The following GPR176 variants were observed in gnomAD, a reference collection of about 807,000 sequenced individuals.
GPR176 encodes G protein-coupled receptor 176, also known as G-protein coupled receptor 176.
A neutral mutation model predicts 35.4 loss-of-function variants in GPR176; 26 were observed. The ratio of observed to expected loss-of-function variants is 0.74; its 90% CI spans 0.54 to 1.02. The LOEUF (loss-of-function observed/expected upper bound fraction) is 1.02. Among genes scored for constraint, GPR176 ranks in the 50% least tolerant of loss-of-function variants. The probability of loss-of-function intolerance (pLI) is 0.00; values close to 1 mark genes in which losing one functional copy is unlikely to be tolerated. For synonymous variants in GPR176, 278 were observed against 271.3 expected (o/e 1.02, Z -0.24); for missense variants, 597 against 665.3 (o/e 0.90, Z 1.13).
chr15:39,827,401 C>T (rs953680417), intron 1 of GPR176, among the ~76,000 whole-genome samples: 8 of 152,056 alleles, frequency 5.3e-5, no homozygotes, highest in African/African-American at 1.7e-4. Context: ...AAAGGAGGGG[C>T]GGCATGAGGT....
intron 1 of GPR176, among the ~76,000 whole-genome samples, chr15:39,894,248 G>C (rs1197127285): frequency 7.2e-6 from 1 of 138,410 alleles, no homozygotes; most frequent in Admixed American, 7.0e-5. Context: ...GGGGCGGCTG[G>C]CCGGGTTGGG....
chr15:39,871,176 A>C (rs563739875), intron 1 of GPR176, among the ~76,000 whole-genome samples: 1 of 152,342 alleles, frequency 6.6e-6, no homozygotes, highest in African/African-American at 2.4e-5. Context: ...GAGGGTCAAT[A>C]AACTATCTGA....
At chr15:39,846,849 A>G (rs1302437786) in intron 1 of GPR176, among the ~76,000 whole-genome samples, 1 of 152,192 alleles carries the variant, frequency 6.6e-6, no homozygotes, top group Non-Finnish European at 1.5e-5. Flanking sequence ...CAGAAAGAAA[A>G]AGAAAGATAA....
In GPR176 at chr15:39,801,906, G is replaced by A; in HGVS notation, c.774C>T (p.Ser258=). Residue 258 remains serine (S), a synonymous_variant, in exon 3 of 3, where the codon TCC becomes TCT. Coordinates refer to ENST00000561100, the MANE Select transcript of GPR176 (RefSeq NM_007223.3). ...PQNTISIPYA[S]QREAELHATL... ...TGGCGTGCAGCTCGGCCTCCCGCTG[G>A]GAGGCATAGGGAATAGAGATGGTGT... is the stretch of plus-strand genomic sequence containing the variant. 1 of 1,614,056 alleles carries A rather than the reference G, an allele frequency of 6.2e-7. No homozygotes were observed. The highest frequency in any genetic ancestry group is 1.7e-5 in the Admixed American group (1 of 60,016).
rs1253761723 is a variant in GPR176 at position 39,893,737 on chromosome 15, C to G, written c.172+26118G>C. ...GGCGGCTGGCCGGGCGGGGGGCTGA[C>G]CCCCCCACCTCCCTCCCGGGCGGGG... On this transcript the variant is annotated intron_variant, in intron 1 of 2. Transcript: ENST00000561100. Among the ~76,000 whole-genome samples, 331 of 146,648 alleles carry G rather than the reference C, an allele frequency of 2.3e-3. 2 individuals carry two copies. The highest frequency in any genetic ancestry group is 7.9e-3 in the African/African-American group (319 of 40,266).
intron 1 of GPR176, among the ~76,000 whole-genome samples, chr15:39,833,627 A>C (rs1273422462): frequency 1.3e-5 from 2 of 152,210 alleles, no homozygotes; most frequent in Admixed American, 1.3e-4. Flanking sequence ...AGTGAATCAT[A>C]CAACAAACAG....
chr15:39,827,464 C>G (rs1401579165), intron 1 of GPR176, among the ~76,000 whole-genome samples: 4 of 152,074 alleles, frequency 2.6e-5, no homozygotes, highest in African/African-American at 9.7e-5. Context: ...TCTGTTGAAC[C>G]CTTAGAGAAG....
chr15:39,803,826 G>A (rs992901287), intron 2 of GPR176, among the ~76,000 whole-genome samples: 1 of 152,180 alleles, frequency 6.6e-6, no homozygotes, highest in Non-Finnish European at 1.5e-5. Context: ...CTGGCAGGGG[G>A]ACCAGCTGAA....
intron 1 of GPR176, among the ~76,000 whole-genome samples, chr15:39,915,398 A>G (rs1264183716): frequency 6.6e-6 from 1 of 152,158 alleles, no homozygotes; most frequent in African/African-American, 2.4e-5. Flanking sequence ...ATCTAAACCT[A>G]ATTATTTCCC....
rs570017291 is a variant in GPR176, at chr15:39,857,267, T to G, written c.173-50009A>C. On this transcript the variant is annotated intron_variant, in intron 1 of 2. Transcript: ENST00000561100. ...TTCCTGTTCTGGCAGCAGGGCAAACTCATTAACCCAACCCTTACTTCCCCC... is the reference window on the plus strand; with the variant it reads ...TTCCTGTTCTGGCAGCAGGGCAAACGCATTAACCCAACCCTTACTTCCCCC... 2.0e-5 allele frequency among the ~76,000 whole-genome samples: 3 copies of G among 152,264 alleles called. No homozygotes were observed. The South Asian group carries it at 6.2e-4, about 32-fold the overall frequency.
intron 1 of GPR176, among the ~76,000 whole-genome samples, chr15:39,861,404 G>C (rs886500093): frequency 6.6e-6 from 1 of 151,990 alleles, no homozygotes; most frequent in African/African-American, 2.4e-5. Flanking sequence ...ACAAAAATTA[G>C]CTGGGCATAG....
At chr15:39,904,946 C>T (rs1279094572) in intron 1 of GPR176, among the ~76,000 whole-genome samples, 2 of 152,108 alleles carry the variant, frequency 1.3e-5, no homozygotes, top group Admixed American at 1.3e-4. Context: ...AGGCAACAGC[C>T]CAGAGTATGA....
intron 1 of GPR176, among the ~76,000 whole-genome samples, chr15:39,836,941 T>A (rs1287607138): frequency 1.3e-5 from 2 of 152,158 alleles, no homozygotes; most frequent in Admixed American, 1.3e-4. Context: ...ATTTTTCTGA[T>A]CCTATATATG....
chr15:39,917,809 G>A (rs2033766089), intron 1 of GPR176, among the ~76,000 whole-genome samples: 1 of 151,976 alleles, frequency 6.6e-6, no homozygotes, highest in Non-Finnish European at 1.5e-5. Flanking sequence ...CACTTTGGGA[G>A]GCCAAGGCAG....
chr15:39,844,732 C>T (rs1464515447), intron 1 of GPR176, among the ~76,000 whole-genome samples: 1 of 152,052 alleles, frequency 6.6e-6, no homozygotes, highest in Non-Finnish European at 1.5e-5. Flanking sequence ...CAGTACAAGG[C>T]TTTGAAGAAT....
chr15:39,895,571 A>C (rs1483666866), intron 1 of GPR176, among the ~76,000 whole-genome samples: 3 of 152,196 alleles, frequency 2.0e-5, no homozygotes, highest in Non-Finnish European at 4.4e-5. Flanking sequence ...TTTACTTTAA[A>C]AGGCAGTTTT....
At chr15:39,863,459 C>T (rs904541598) in intron 1 of GPR176, among the ~76,000 whole-genome samples, 2 of 151,708 alleles carry the variant, frequency 1.3e-5, no homozygotes, top group African/African-American at 4.8e-5. Flanking sequence ...AGTGTTATTA[C>T]AAAAGAATCC....
At chr15:39,861,535 G>A (rs1391603145) in intron 1 of GPR176, among the ~76,000 whole-genome samples, 3 of 150,604 alleles carry the variant, frequency 2.0e-5, no homozygotes, top group Admixed American at 6.6e-5. Flanking sequence ...GTGACAGAGC[G>A]AGACTCCATC....
At chr15:39,888,507 T>A (rs1189678705) in intron 1 of GPR176, among the ~76,000 whole-genome samples, 1 of 152,200 alleles carries the variant, frequency 6.6e-6, no homozygotes, top group Non-Finnish European at 1.5e-5. Flanking sequence ...TAACTCACCA[T>A]AACCTCAAAC....
Sources: allele counts gnomAD v4.1 joint callset (sites outside exome capture counted in the v4.1 genomes callset), GRCh38; gene constraint gnomAD v4.1.1; transcripts MANE v1.5; gene names NCBI Gene and HGNC (gene_info 2026-07-23, HGNC 2026-07-21).